Variants in DYNC1I1 observed in about 807,000 individuals in gnomAD.
DYNC1I1 encodes the protein cytoplasmic dynein 1 intermediate chain 1.
Under a neutral mutation model 86.6 loss-of-function variants are expected in DYNC1I1, and 43 were observed. The ratio of observed to expected loss-of-function variants is 0.50; its 90% CI spans 0.39 to 0.64. The LOEUF (loss-of-function observed/expected upper bound fraction) is 0.64, where lower values mean the gene tolerates loss of function less well. Ranked by LOEUF, DYNC1I1 falls within the 30% of genes least tolerant of loss-of-function variation. DYNC1I1 has a pLI of 0.00. For missense variants in DYNC1I1, 604 were observed against 788.8 expected, an observed-to-expected ratio of 0.77 and a Z score of 2.81; for synonymous variants, 262 against 283.7, an observed-to-expected ratio of 0.92 and a Z score of 0.77.
intron 5 of DYNC1I1, among the ~76,000 whole-genome samples, chr7:95,847,408 G>T (rs1287803301): frequency 1.3e-5 from 2 of 152,084 alleles, no homozygotes; most frequent in East Asian, 1.9e-4. Flanking sequence ...CTTGTAGGTT[G>T]TTTCTCAATT....
In DYNC1I1 at chr7:95,788,523, G is replaced by T. The variant is rs147392019; in HGVS notation, c.-10+15750G>T. Among the ~76,000 whole-genome samples, 7 of 152,266 alleles carry T rather than the reference G, an allele frequency of 4.6e-5. No homozygotes were observed. The East Asian group carries it at 1.4e-3, about 29-fold the overall frequency. On this transcript the variant is annotated intron_variant, in intron 1 of 16. Transcript: ENST00000447467. ...GCTAGTGCTTCCAGGTGGTGTGCTG[G>T]CGCCATTGAGGTGACTCTCCTACCA...
chr7:95,781,485 G>A (rs898177730), intron 1 of DYNC1I1, among the ~76,000 whole-genome samples: 2 of 152,134 alleles, frequency 1.3e-5, no homozygotes, highest in Non-Finnish European at 2.9e-5. Flanking sequence ...CAAAACTATT[G>A]TCGAGGAGGA....
At chr7:95,989,128 A>T (rs34865976) in intron 9 of DYNC1I1, among the ~76,000 whole-genome samples, 1 of 152,160 alleles carries the variant, frequency 6.6e-6, no homozygotes, top group Non-Finnish European at 1.5e-5. Context: ...GGTCAGACAG[A>T]GCTTCTCAGA....
chr7:95,850,800 T>A (rs1298050073), intron 5 of DYNC1I1, among the ~76,000 whole-genome samples: 1 of 152,244 alleles, frequency 6.6e-6, no homozygotes, highest in African/African-American at 2.4e-5. Flanking sequence ...TCTTTCCTTA[T>A]TGAGAATGTG....
At chr7:96,075,073 G>T (rs995738820) in intron 14 of DYNC1I1, among the ~76,000 whole-genome samples, 22 of 152,306 alleles carry the variant, frequency 1.4e-4, no homozygotes, top group Middle Eastern at 3.4e-3. Context: ...GATTAGTAAA[G>T]CCATTATGCA....
chr7:95,948,176 G>A (rs766047918), intron 6 of DYNC1I1, among the ~76,000 whole-genome samples: 6 of 152,116 alleles, frequency 3.9e-5, no homozygotes, highest in Admixed American at 1.3e-4. Context: ...CGAGGGCGTT[G>A]GATGTTTCAA....
chr7:95,922,383 T>C (rs191155716), intron 6 of DYNC1I1, among the ~76,000 whole-genome samples: 8 of 152,292 alleles, frequency 5.3e-5, no homozygotes, highest in Admixed American at 2.0e-4. Context: ...TGCTTTGGCA[T>C]GAGGGAACTT....
chr7:96,073,862 A>C (rs1229949999), intron 14 of DYNC1I1, among the ~76,000 whole-genome samples: 2 of 152,212 alleles, frequency 1.3e-5, no homozygotes, highest in East Asian at 3.8e-4. Flanking sequence ...TTGCCTTTTA[A>C]AAAATATAAA....
chr7:95,836,393 C>A (rs1349494504), intron 5 of DYNC1I1, among the ~76,000 whole-genome samples: 1 of 151,448 alleles, frequency 6.6e-6, no homozygotes, highest in Non-Finnish European at 1.5e-5. Flanking sequence ...CTCTGGCTGC[C>A]CTTAACATTT....
intron 6 of DYNC1I1, among the ~76,000 whole-genome samples, chr7:95,892,690 G>A (rs1228547884): frequency 2.0e-5 from 3 of 151,828 alleles, no homozygotes; most frequent in Non-Finnish European, 4.4e-5. Flanking sequence ...CAGGTGATCC[G>A]CCCACCTTGG....
intron 5 of DYNC1I1, among the ~76,000 whole-genome samples, chr7:95,835,507 G>C (rs2115973829): frequency 6.6e-6 from 1 of 151,658 alleles, no homozygotes; most frequent in East Asian, 1.9e-4. Flanking sequence ...GCAGAGCTGA[G>C]TTCAATTCCT....
intron 5 of DYNC1I1, among the ~76,000 whole-genome samples, chr7:95,829,011 CA>C (rs1795263607): frequency 6.6e-6 from 1 of 152,160 alleles, no homozygotes; most frequent in Admixed American, 6.6e-5. Context: ...ATTTATTAAG[CA>C]TTTACCGACA....
intron 5 of DYNC1I1, among the ~76,000 whole-genome samples, chr7:95,857,580 A>T (rs1182071923): frequency 6.6e-6 from 1 of 152,168 alleles, no homozygotes; most frequent in African/African-American, 2.4e-5. Context: ...GCAGAACATA[A>T]TGGGTTTCAA....
intron 4 of DYNC1I1, among the ~76,000 whole-genome samples, chr7:95,819,643 A>C (rs916025471): frequency 6.6e-6 from 1 of 152,192 alleles, no homozygotes; most frequent in Admixed American, 6.5e-5. Flanking sequence ...AAGACTATTA[A>C]AATTTTGCTT....
chr7:96,107,188 G>A (rs1791229456), intron 16 of DYNC1I1, among the ~76,000 whole-genome samples: 1 of 151,562 alleles, frequency 6.6e-6, no homozygotes, highest in Non-Finnish European at 1.5e-5. Context: ...CACCATACCT[G>A]GCTAATATTT....
At chr7:96,039,012 A>G (rs942811654) in intron 13 of DYNC1I1, among the ~76,000 whole-genome samples, 2 of 152,240 alleles carry the variant, frequency 1.3e-5, no homozygotes, top group African/African-American at 4.8e-5. Context: ...TGCAAAAAGA[A>G]TTAAATAATA....
intron 1 of DYNC1I1, among the ~76,000 whole-genome samples, chr7:95,780,295 G>A (rs894800480): frequency 4.0e-5 from 6 of 150,598 alleles, no homozygotes; most frequent in South Asian, 2.1e-4. Flanking sequence ...CTTTTGAGAC[G>A]GAGTCTCTGT....
At chr7:96,025,936 A>G (rs1190612509) in intron 10 of DYNC1I1, among the ~76,000 whole-genome samples, 1 of 152,136 alleles carries the variant, frequency 6.6e-6, no homozygotes, top group African/African-American at 2.4e-5. Context: ...TCCTTTATCC[A>G]TATCGATTTG....
At chr7:96,069,427 C>A (rs1172720842) in intron 14 of DYNC1I1, among the ~76,000 whole-genome samples, 1 of 152,170 alleles carries the variant, frequency 6.6e-6, no homozygotes, top group Non-Finnish European at 1.5e-5. Flanking sequence ...GTGACTCTGC[C>A]CTCCTCGACT....
Sources: allele counts gnomAD v4.1 joint callset (sites outside exome capture counted in the v4.1 genomes callset), GRCh38; gene constraint gnomAD v4.1.1; transcripts MANE v1.5; gene names NCBI Gene and HGNC (gene_info 2026-07-23, HGNC 2026-07-21).